The following POU2F2 variants were observed in gnomAD, a reference collection of about 807,000 sequenced individuals.
POU2F2 encodes POU domain, class 2, transcription factor 2.
In POU2F2, 14 loss-of-function variants were observed where a neutral mutation model predicts 63.5. That is an observed-to-expected ratio of 0.22 (90% CI 0.15 to 0.34). The LOEUF (loss-of-function observed/expected upper bound fraction) is 0.34, where lower values mean the gene tolerates loss of function less well. POU2F2 is among the 10% of genes least tolerant of loss of function. The probability of loss-of-function intolerance (pLI) is 1.00; values close to 1 mark genes in which losing one functional copy is unlikely to be tolerated. For missense variants in POU2F2, 607 were observed against 815.2 expected (o/e 0.74, Z 3.11); for synonymous variants, 306 against 348.6 (o/e 0.88, Z 1.36).
intron 1 of POU2F2, among the ~76,000 whole-genome samples, chr19:42,191,073 CAAA>C (rs200638271): frequency 4.2e-5 from 3 of 72,130 alleles, no homozygotes; most frequent in Non-Finnish European, 8.3e-5. Context: ...GACTCAGTTT[CAAA>C]AAAAAAAAAA....
At chr19:42,106,046 TCTTTC>T (rs1028497004) in intron 5 of POU2F2, among the ~76,000 whole-genome samples, 1 of 150,090 alleles carries the variant, frequency 6.7e-6, no homozygotes, top group African/African-American at 2.5e-5. Context: ...TTTCTTTCTT[TCTTTC>T]TTCTTTCTTT....
At chr19:42,113,924 C>G (rs1034956967) in intron 5 of POU2F2, among the ~76,000 whole-genome samples, 1 of 152,170 alleles carries the variant, frequency 6.6e-6, no homozygotes, top group African/African-American at 2.4e-5. Flanking sequence ...GGGCCCAGCA[C>G]AGTGCCCATA....
intron 5 of POU2F2, among the ~76,000 whole-genome samples, chr19:42,103,903 G>T (rs2077239233): frequency 6.7e-6 from 1 of 150,054 alleles, no homozygotes; most frequent in Admixed American, 6.6e-5. Flanking sequence ...AAAGAGCTGG[G>T]ATTACAGGCA....
chr19:42,109,855 A>G (rs1469322601), intron 5 of POU2F2, among the ~76,000 whole-genome samples: 2 of 152,186 alleles, frequency 1.3e-5, no homozygotes, highest in African/African-American at 4.8e-5. Flanking sequence ...ATTTGAGGTG[A>G]TAAGTATGCT....
upstream of POU2F2, among the ~76,000 whole-genome samples, chr19:42,180,719 T>C (rs948991487): frequency 2.0e-5 from 3 of 152,068 alleles, no homozygotes; most frequent in African/African-American, 7.2e-5. Context: ...CACCAATGTT[T>C]GTCTGTTTGT....
rs934244016 is a variant in POU2F2 at position 42,174,649 on chromosome 19, G to C, written c.-70+1314C>G. Reference sequence around the variant, plus strand: ...AAGGCTTCGAGGCCCAGCACACACAGTTAGTCCTTCCTGAACACATCTCAC... The same window carrying C: ...AAGGCTTCGAGGCCCAGCACACACACTTAGTCCTTCCTGAACACATCTCAC... On this transcript the variant is annotated intron_variant, in intron 1 of 6. Coordinates refer to the POU2F2 transcript ENST00000524801. Among the ~76,000 whole-genome samples the C allele has an allele frequency of 2.6e-5, 4 of 151,748 alleles. No individual in the cohort carries two copies. In the East Asian group the frequency reaches 5.8e-4, roughly 22 times the overall value.
In POU2F2 at chr19:42,195,621, C is replaced by T. The variant is rs185635080; in HGVS notation, c.-70+762G>A. 1.7e-4 allele frequency among the ~76,000 whole-genome samples: 25 copies of T among 151,498 alleles called. 1 individual carries two copies. The East Asian group carries it at 2.9e-3, about 18-fold the overall frequency. On this transcript the variant is annotated intron_variant, in intron 1 of 5. Coordinates refer to the POU2F2 transcript ENST00000532176. ...TGCTAGGATTACAGGCATGAGCCACCGCGCCTGGCCCCCTCCCTCCCTTTC... is the reference window on the plus strand; with the variant it reads ...TGCTAGGATTACAGGCATGAGCCACTGCGCCTGGCCCCCTCCCTCCCTTTC...
chr19:42,149,536 C>G (rs765891326), intron 2 of POU2F2, among the ~76,000 whole-genome samples: 1 of 151,952 alleles, frequency 6.6e-6, no homozygotes, highest in Admixed American at 6.6e-5. Flanking sequence ...TGGGGACTAT[C>G]AAGGTAGAAC....
chr19:42,160,346 CAGCG>C (rs1159454253), exon 2 of POU2F2: 1 of 152,240 alleles, frequency 6.6e-6, no homozygotes, highest in Non-Finnish European at 1.5e-5. Flanking sequence ...TGGGCAGACG[CAGCG>C]AAGCTAATAC....
At chr19:42,097,553 T>G (rs2076970986) in intron 7 of POU2F2, among the ~76,000 whole-genome samples, 1 of 151,820 alleles carries the variant, frequency 6.6e-6, no homozygotes, top group Non-Finnish European at 1.5e-5. Flanking sequence ...CTCACACCTG[T>G]AATCCCAATA....
chr19:42,100,918 T>G (rs2077113568), intron 5 of POU2F2, among the ~76,000 whole-genome samples: 1 of 151,558 alleles, frequency 6.6e-6, no homozygotes, highest in Non-Finnish European at 1.5e-5. Flanking sequence ...GCTAACACAG[T>G]GAAACCCTGT....
chr19:42,093,823 C>T lies in POU2F2; in HGVS notation c.1264+6G>A, dbSNP rs1465583231. On this transcript the variant is annotated splice_donor_region_variant and intron_variant, in intron 12 of 14. Transcript: ENST00000692977. The stretch of plus-strand genomic sequence containing the variant: ...TCCCCCCTCACCATTTTCTGCCCTC[C>T]CTGACCTGTTGTGCTCAGACTGCTG... 2.5e-6 allele frequency: 4 copies of T among 1,606,678 alleles called. No individual in the cohort carries two copies. Among genetic ancestry groups the T allele is most frequent in the Non-Finnish European group, 3.4e-6 (4 of 1,174,446 alleles).
intron 4 of POU2F2, among the ~76,000 whole-genome samples, chr19:42,120,357 A>G (rs1262103801): frequency 1.3e-5 from 2 of 151,652 alleles, no homozygotes; most frequent in African/African-American, 4.9e-5. Context: ...AGTAGCTGGG[A>G]TTACAGGCAC....
At chr19:42,167,021 C>A (rs1445237514) in intron 1 of POU2F2, among the ~76,000 whole-genome samples, 1 of 152,202 alleles carries the variant, frequency 6.6e-6, no homozygotes, top group African/African-American at 2.4e-5. Context: ...CTGTGCTACA[C>A]ACTAGGGATA....
intron 1 of POU2F2, among the ~76,000 whole-genome samples, chr19:42,188,916 G>GAAGGAAGGAAGC (rs2035045701): frequency 7.6e-6 from 1 of 131,486 alleles, no homozygotes; most frequent in Non-Finnish European, 1.5e-5. Flanking sequence ...AGGAAGGAAG[G>GAAGGAAGGAAGC]AAGGAAGGAA....
At chr19:42,138,196 A>C (rs959653898) in intron 2 of POU2F2, among the ~76,000 whole-genome samples, 3 of 152,224 alleles carry the variant, frequency 2.0e-5, no homozygotes, top group Non-Finnish European at 4.4e-5. Flanking sequence ...GATGAATTCC[A>C]CATCACCATC....
chr19:42,109,582 G>A (rs776392191), intron 5 of POU2F2, among the ~76,000 whole-genome samples: 5 of 152,178 alleles, frequency 3.3e-5, no homozygotes, highest in Non-Finnish European at 5.9e-5. Flanking sequence ...TCTATTGCAC[G>A]GTGACTACTG....
upstream of POU2F2, chr19:42,133,628 A>G (rs571155516): frequency 1.9e-5 from 3 of 154,374 alleles, no homozygotes; most frequent in South Asian, 4.1e-4. This position sits in a 1 kb window ranked among gnomAD's most constrained non-coding sequence, Gnocchi z 5.1. Flanking sequence ...CCAGCACTTC[A>G]CACACACACA....
At chr19:42,182,995 G>C (rs2034979150) in intron 1 of POU2F2, among the ~76,000 whole-genome samples, 1 of 152,202 alleles carries the variant, frequency 6.6e-6, no homozygotes, top group South Asian at 2.1e-4. Flanking sequence ...CTGCTGAGCA[G>C]AACCAGCCAA....
Sources: gnomAD v4.1 joint callset for allele counts (sites outside exome capture counted in the v4.1 genomes callset) on GRCh38, gnomAD v4.1.1 for gene constraint, Gnocchi (gnomAD v3.1) non-coding constraint, MANE v1.5 for transcripts, NCBI Gene and HGNC (gene_info 2026-07-23, HGNC 2026-07-21) for gene names.